Variants in PAWR observed in about 807,000 individuals in gnomAD.
PAWR encodes PRKC apoptosis WT1 regulator protein.
PAWR carries 23 observed loss-of-function variants against 32.0 expected under a neutral mutation model. That is an observed-to-expected ratio of 0.72 (90% CI 0.52 to 1.02). The LOEUF (loss-of-function observed/expected upper bound fraction) is 1.02, where lower values mean the gene tolerates loss of function less well. Among genes scored for constraint, PAWR ranks in the 50% least tolerant of loss-of-function variants. PAWR has a pLI of 0.00. For missense variants in PAWR, 457 were observed against 437.7 expected, an observed-to-expected ratio of 1.04 and a Z score of -0.39; for synonymous variants, 226 against 187.1, an observed-to-expected ratio of 1.21 and a Z score of -1.70.
intron 2 of PAWR, among the ~76,000 whole-genome samples, chr12:79,653,138 C>T (rs921810953): frequency 1.3e-4 from 19 of 149,900 alleles, no homozygotes; most frequent in African/African-American, 4.7e-4. Context: ...CCACCTCCCA[C>T]GTTCCAGCAA....
chr12:79,690,083 G>T lies in PAWR; in HGVS notation c.162C>A (p.Pro54=). 1 of 1,428,996 alleles carries T rather than the reference G, an allele frequency of 7.0e-7. No homozygotes were observed. Among genetic ancestry groups the T allele is most frequent in the Non-Finnish European group, 9.1e-7 (1 of 1,099,582 alleles). The allele number at this position is 1,428,996 out of a possible 1,614,324, so 88.5% of individuals were successfully genotyped here. ...CCGCCGGGGTGCCCAGAGCCCCCGC[G>T]GGGGGCTTCCCAGCGGCGTCGCTGC... ...GGSSDAAGKP[P]AGALGTPAAA... is the part of the protein sequence containing the mutation. The change falls in exon 2 of 7, where the codon CCC becomes CCA. Residue 54 remains proline, a synonymous_variant. Transcript: ENST00000328827.
intron 5 of PAWR, among the ~76,000 whole-genome samples, chr12:79,595,199 C>T (rs1237626723): frequency 6.6e-6 from 1 of 152,144 alleles, no homozygotes; most frequent in Non-Finnish European, 1.5e-5. Flanking sequence ...CTGGCTCTGC[C>T]AGTTAACTGA....
At chr12:79,653,437 A>G (rs1162585762) in intron 2 of PAWR, among the ~76,000 whole-genome samples, 4 of 152,100 alleles carry the variant, frequency 2.6e-5, no homozygotes, top group African/African-American at 4.8e-5. Flanking sequence ...AAATTGCTGC[A>G]ATTTCAATTT....
intron 2 of PAWR, among the ~76,000 whole-genome samples, chr12:79,666,964 G>A (rs1182722212): frequency 1.3e-5 from 2 of 152,162 alleles, no homozygotes; most frequent in Non-Finnish European, 2.9e-5. Flanking sequence ...AAGTGAAGCT[G>A]GGAACTGCTT....
At chr12:79,649,548 AG>A (rs760002708) in intron 2 of PAWR, among the ~76,000 whole-genome samples, 1 of 152,172 alleles carries the variant, frequency 6.6e-6, no homozygotes, top group Non-Finnish European at 1.5e-5. Flanking sequence ...GCACCTTGAG[AG>A]GCCCACGCAG....
chr12:79,597,546 A>C (rs1873807965), intron 4 of PAWR, among the ~76,000 whole-genome samples: 1 of 152,248 alleles, frequency 6.6e-6, no homozygotes, highest in Non-Finnish European at 1.5e-5. Flanking sequence ...AATTATAAAT[A>C]GAAAAAAAGA....
At chr12:79,595,585 G>A (rs1447784598) in intron 5 of PAWR, among the ~76,000 whole-genome samples, 6 of 152,178 alleles carry the variant, frequency 3.9e-5, no homozygotes, top group African/African-American at 1.4e-4. Context: ...AGTGGCTCAC[G>A]CCTGTAATTC....
chr12:79,681,296 A>G (rs1007214942), intron 2 of PAWR, among the ~76,000 whole-genome samples: 2 of 152,128 alleles, frequency 1.3e-5, no homozygotes, highest in Non-Finnish European at 2.9e-5. Context: ...ATCAAACAGC[A>G]CAAAACACAT....
At chr12:79,689,636 A>C (rs890299334) in intron 2 of PAWR, 93 bp downstream of exon 2, 5 of 1,406,414 alleles carry the variant, frequency 3.6e-6, no homozygotes, top group Non-Finnish European at 4.7e-6. Flanking sequence ...CAGGGGAGGT[A>C]AACTCTGCGC....
chr12:79,621,035 T>A lies in PAWR; in HGVS notation c.648+41A>T, dbSNP rs771768723. ...AAGAGGCATAATTGAAAAATTGCCA[T>A]TAAAATAGATAGTGACTTCCTGGTA... On this transcript the variant is annotated intron_variant, in intron 3 of 6. Transcript: ENST00000328827. 2.0e-6 allele frequency: 3 copies of A among 1,504,806 alleles called. No individual in the cohort carries two copies. The Admixed American group carries it at 6.1e-5, about 30-fold the overall frequency. The allele number at this position is 1,504,806 out of a possible 1,614,324, so 93.2% of individuals were successfully genotyped here.
At chr12:79,651,176 A>C (rs914724382) in intron 2 of PAWR, among the ~76,000 whole-genome samples, 23 of 152,210 alleles carry the variant, frequency 1.5e-4, no homozygotes, top group Non-Finnish European at 3.1e-4. Context: ...ATAATCACAT[A>C]AATAAAAATT....
chr12:79,631,804 G>A (rs1285123200), intron 2 of PAWR, among the ~76,000 whole-genome samples: 1 of 152,080 alleles, frequency 6.6e-6, no homozygotes, highest in African/African-American at 2.4e-5. Context: ...TGGAAATGAA[G>A]AGGATCTAAA....
chr12:79,653,086 C>T (rs757054133), intron 2 of PAWR, among the ~76,000 whole-genome samples: 4 of 152,152 alleles, frequency 2.6e-5, no homozygotes, highest in Non-Finnish European at 2.9e-5. Flanking sequence ...TGTTGTTGCC[C>T]GGGCTGGAGT....
intron 2 of PAWR, among the ~76,000 whole-genome samples, chr12:79,640,654 T>C (rs1427721104): frequency 6.6e-6 from 1 of 151,924 alleles, no homozygotes; most frequent in Non-Finnish European, 1.5e-5. Context: ...GGTAGGAGGA[T>C]CACTTGGGCC....
In PAWR at chr12:79,585,010, C is replaced by T. The variant is rs908112061; in HGVS notation, c.*7597G>A. 1 of 282,648 alleles carries T rather than the reference C, an allele frequency of 3.5e-6. No homozygotes were observed. The highest frequency in any genetic ancestry group is 3.3e-5 in the South Asian group (1 of 30,438). 17.5% of individuals were successfully genotyped at this position (282,648 alleles called of 1,614,324 possible). ...ACACAGACAAACAATGATTTTATTCCATAGTCTCTTGGACTTGAGAATCCA... is the reference window on the plus strand; with the variant it reads ...ACACAGACAAACAATGATTTTATTCTATAGTCTCTTGGACTTGAGAATCCA... On this transcript the variant is annotated 3_prime_UTR_variant, in exon 7 of 7. Coordinates refer to ENST00000328827, the MANE Select transcript of PAWR (RefSeq NM_002583.4).
At chr12:79,673,182 C>G (rs808447) in intron 2 of PAWR, among the ~76,000 whole-genome samples, 1 of 151,986 alleles carries the variant, frequency 6.6e-6, no homozygotes, top group Non-Finnish European at 1.5e-5. Flanking sequence ...CTATTCTCCT[C>G]CCTCAGCCTC....
intron 4 of PAWR, among the ~76,000 whole-genome samples, chr12:79,609,897 A>C (rs185549570): frequency 2.0e-5 from 3 of 152,336 alleles, no homozygotes; most frequent in Admixed American, 2.0e-4. Flanking sequence ...AGCACTAACT[A>C]TAACACTTCT....
In PAWR at chr12:79,625,819, C is replaced by CA. The variant is rs538351136; in HGVS notation, c.517-4613dup. ...TGGGCGACAGAGTGAGACTCTGTCT[C>CA]AAAAAAAACAAAACAAAAAAGTAAC... On this transcript the variant is annotated intron_variant, in intron 2 of 6. Coordinates refer to ENST00000328827, the MANE Select transcript of PAWR (RefSeq NM_002583.4). Among the ~76,000 whole-genome samples the CA allele has an allele frequency of 6.9e-3, 919 of 133,828 alleles. 2 individuals are homozygous for CA. The highest frequency in any genetic ancestry group is 8.0e-3 in the African/African-American group (288 of 35,944). 87.8% of individuals were successfully genotyped at this position (133,828 alleles called of 152,430 possible).
chr12:79,675,740 G>C (rs551359936), intron 2 of PAWR, among the ~76,000 whole-genome samples: 81 of 152,278 alleles, frequency 5.3e-4, no homozygotes, highest in African/African-American at 1.8e-3. Context: ...CTTAACAGTG[G>C]AGGGTGGGAG....
Sources: allele counts gnomAD v4.1 joint callset (sites outside exome capture counted in the v4.1 genomes callset), GRCh38; gene constraint gnomAD v4.1.1; transcripts MANE v1.5; gene names NCBI Gene and HGNC (gene_info 2026-07-23, HGNC 2026-07-21).